Variants in UGT2B7 observed in about 807,000 individuals in gnomAD.
UGT2B7 encodes the protein UDP-glucuronosyltransferase 2B7.
Under a neutral mutation model 51.9 loss-of-function variants are expected in UGT2B7, and 51 were observed. That is an observed-to-expected ratio of 0.98 (90% CI 0.78 to 1.24). The LOEUF is 1.24. Ranked by LOEUF, UGT2B7 falls within the 50% of genes most tolerant of loss-of-function variation. The pLI is 0.00. For synonymous variants in UGT2B7, 225 were observed against 211.6 expected (o/e 1.06, Z -0.55); for missense variants, 727 against 628.4 (o/e 1.16, Z -1.68).
chr4:69,095,179 T>A (rs1719188098), upstream of UGT2B7, among the ~76,000 whole-genome samples: 1 of 152,196 alleles, frequency 6.6e-6, no homozygotes, highest in African/African-American at 2.4e-5. Flanking sequence ...AGAAGGAGTT[T>A]AATAATTGCA....
intron 1 of UGT2B7, among the ~76,000 whole-genome samples, chr4:69,077,523 G>T (rs1199110559): frequency 1.3e-5 from 2 of 151,910 alleles, no homozygotes; most frequent in African/African-American, 4.8e-5. Context: ...TGTATTCATA[G>T]GTATTTTATT....
chr4:69,064,092 GAAAGAGAAAGAAAGAAAGAAAA>G (rs1560499751), intron 1 of UGT2B7, among the ~76,000 whole-genome samples: 53 of 98,188 alleles, frequency 5.4e-4, no homozygotes, highest in African/African-American at 2.8e-3. Flanking sequence ...AAGAAAGAAA[GAAAGAGAAAGAAAGAAAGAAAA>G]AGAAAGAAAG....
At chr4:69,100,859 A>C (rs1277723636) in intron 2 of UGT2B7, among the ~76,000 whole-genome samples, 1 of 152,132 alleles carries the variant, frequency 6.6e-6, no homozygotes, top group Non-Finnish European at 1.5e-5. Context: ...ATTCTAAGAT[A>C]ATTTCTTATA....
intron 1 of UGT2B7, 50 bp from the exon 2 acceptor site, chr4:69,098,489 CT>C (rs765637797): frequency 6.4e-7 from 1 of 1,568,346 alleles, no homozygotes; most frequent in Non-Finnish European, 8.6e-7. Flanking sequence ...AGAAATTTAC[CT>C]AAAGTAATTA....
At chr4:69,069,881 G>C (rs1004150022) in intron 1 of UGT2B7, 2 of 152,088 alleles carry the variant, frequency 1.3e-5, no homozygotes, top group African/African-American at 4.8e-5. Context: ...AGAAAGAAAA[G>C]AGAGTACATC....
chr4:69,087,433 C>T (rs1227599530), intron 1 of UGT2B7, among the ~76,000 whole-genome samples: 2 of 151,804 alleles, frequency 1.3e-5, no homozygotes, highest in African/African-American at 4.8e-5. Context: ...ATAACTTTGT[C>T]TTTTTATCTT....
At chr4:69,055,067 C>G (rs958215848) in intron 1 of UGT2B7, among the ~76,000 whole-genome samples, 5 of 121,826 alleles carry the variant, frequency 4.1e-5, no homozygotes, top group Non-Finnish European at 6.4e-5. Flanking sequence ...AGGACTGATC[C>G]TTTTCTAAGT....
chr4:69,112,470 G>T lies in UGT2B7; in HGVS notation c.1324G>T (p.Val442Phe). The stretch of plus-strand genomic sequence containing the variant: ...TTTATCTTTCAGATATAAAGAGAAT[G>T]TTATGAAATTATCAAGAATTCAACA... ...VINDPSYKEN[V>F]MKLSRIQHDQ... is the part of the protein sequence containing the mutation. Residue 442 changes from valine to phenylalanine, a missense_variant, in exon 6 of 6, where the codon GTT (valine) becomes TTT (phenylalanine). By Grantham distance (50) the Val-to-Phe change is conservative. Transcript: ENST00000305231. The T allele has an allele frequency of 6.2e-7, 1 of 1,613,608 alleles. No individual in the cohort carries two copies. Among genetic ancestry groups the T allele is most frequent in the Non-Finnish European group, 8.5e-7 (1 of 1,179,764 alleles).
chr4:69,077,688 C>T (rs1018011266), intron 1 of UGT2B7, among the ~76,000 whole-genome samples: 1 of 152,042 alleles, frequency 6.6e-6, no homozygotes, highest in Non-Finnish European at 1.5e-5. Context: ...GGGGCTGAGA[C>T]AGTGGGGTTT....
rs750369010 is a variant in UGT2B7, at chr4:69,096,707, C to T, written c.187C>T (p.Leu63Phe). 1.2e-6 allele frequency: 2 copies of T among 1,613,964 alleles called. No individual in the cohort carries two copies. Among genetic ancestry groups the T allele is most frequent in the Non-Finnish European group, 8.5e-7 (1 of 1,179,894 alleles). Residue 63 changes from leucine to phenylalanine, a missense_variant, in exon 1 of 6, where the codon CTT becomes TTT. Physicochemically the swap from Leu to Phe is conservative, Grantham distance 22. Coordinates refer to ENST00000305231, the MANE Select transcript of UGT2B7 (RefSeq NM_001074.4). The stretch of plus-strand genomic sequence containing the variant: ...TGTACTGGCATCTTCAGCTTCCATT[C>T]TTTTTGATCCCAACAACTCATCCGC... The part of the protein sequence containing the change: ...VTVLASSASI[L>F]FDPNNSSALK...
chr4:69,083,035 G>C (rs1283202523), intron 1 of UGT2B7, among the ~76,000 whole-genome samples: 1 of 152,024 alleles, frequency 6.6e-6, no homozygotes, highest in Non-Finnish European at 1.5e-5. Context: ...TGCTTTGCCT[G>C]TGTACTATAA....
chr4:69,112,963 A>C lies in UGT2B7; in HGVS notation c.*227A>C. 1.9e-6 allele frequency: 1 copy of C among 524,284 alleles called. No individual in the cohort carries two copies. Among genetic ancestry groups the C allele is most frequent in the South Asian group, 2.9e-5 (1 of 34,436 alleles). 32.5% of individuals were successfully genotyped at this position (524,284 alleles called of 1,614,324 possible). ...GTGGCAATGAAGAAAACACTACGGA[A>C]AATAAAAAATAAGATAAAGCCTTAT... On this transcript the variant is annotated 3_prime_UTR_variant, in exon 6 of 6. Coordinates refer to ENST00000305231, the MANE Select transcript of UGT2B7 (RefSeq NM_001074.4).
At chr4:69,099,478 C>G (rs142589728) in intron 2 of UGT2B7, among the ~76,000 whole-genome samples, 1 of 151,826 alleles carries the variant, frequency 6.6e-6, no homozygotes. Flanking sequence ...TAAAGGAGAG[C>G]TTTCAAGATA....
At chr4:69,101,287 A>T (rs1445925798) in intron 2 of UGT2B7, among the ~76,000 whole-genome samples, 1 of 152,074 alleles carries the variant, frequency 6.6e-6, no homozygotes, top group Non-Finnish European at 1.5e-5. Context: ...ATGATGAAAA[A>T]ATATATTTTA....
intron 2 of UGT2B7, among the ~76,000 whole-genome samples, chr4:69,099,185 C>G (rs775826609): frequency 6.8e-6 from 1 of 147,708 alleles, no homozygotes; most frequent in African/African-American, 2.5e-5. Context: ...AAGTATCCTG[C>G]AGTCACTGAT....
chr4:69,087,910 A>G (rs561865816), intron 1 of UGT2B7, among the ~76,000 whole-genome samples: 1 of 152,012 alleles, frequency 6.6e-6, no homozygotes, highest in Non-Finnish European at 1.5e-5. Flanking sequence ...TTTAAATAGG[A>G]TGTGCCTTTG....
At chr4:69,111,396 T>C (rs1420808684) in intron 5 of UGT2B7, among the ~76,000 whole-genome samples, 2 of 152,118 alleles carry the variant, frequency 1.3e-5, no homozygotes, top group Admixed American at 6.5e-5. Flanking sequence ...AAAAGAGTAA[T>C]GTAGAAGCAA....
At chr4:69,072,865 T>C (rs959583842) in intron 1 of UGT2B7, among the ~76,000 whole-genome samples, 2 of 152,158 alleles carry the variant, frequency 1.3e-5, no homozygotes, top group African/African-American at 4.8e-5. Flanking sequence ...AAATTTCAAT[T>C]TTTTCATTTG....
At chr4:69,064,879 G>A (rs186685939) in intron 1 of UGT2B7, among the ~76,000 whole-genome samples, 21 of 152,226 alleles carry the variant, frequency 1.4e-4, no homozygotes, top group East Asian at 5.8e-4. Flanking sequence ...ATATTTTGCC[G>A]TTAACGTTGT....
Sources: allele counts gnomAD v4.1 joint callset (sites outside exome capture counted in the v4.1 genomes callset), GRCh38; gene constraint gnomAD v4.1.1; transcripts MANE v1.5; gene names NCBI Gene and HGNC (gene_info 2026-07-23, HGNC 2026-07-21).